NBAS: variants seen among roughly 807,000 people sequenced by gnomAD.
NBAS encodes the protein NAG/BC035112 fusion.
In NBAS, 219 loss-of-function variants were observed where a neutral mutation model predicts 302.5. The ratio of observed to expected loss-of-function variants is 0.72; its 90% confidence interval spans 0.65 to 0.81. The LOEUF (loss-of-function observed/expected upper bound fraction) is 0.81, where lower values mean the gene tolerates loss of function less well. NBAS is among the 30% of genes least tolerant of loss of function. The pLI, the probability that NBAS is intolerant of heterozygous loss-of-function variation, is 0.00. For synonymous variants in NBAS, 1,118 were observed against 1,021.6 expected (o/e 1.09, Z -1.80); for missense variants, 2,932 against 2,841.6 (o/e 1.03, Z -0.72).
chr2:15,379,580 G>A (rs375375857), intron 30 of NBAS, 22 bp downstream of exon 30: 73 of 1,604,772 alleles, frequency 4.5e-5, no homozygotes, highest in Non-Finnish European at 6.0e-5. Flanking sequence ...CCATCTTAGG[G>A]AAGAATATAG....
chr2:15,175,479 G>T (rs968981329), intron 51 of NBAS, among the ~76,000 whole-genome samples: 1 of 152,200 alleles, frequency 6.6e-6, no homozygotes, highest in Non-Finnish European at 1.5e-5. Context: ...GATGAAACAA[G>T]TCAAGAGGCT....
chr2:15,474,330 T>C lies in NBAS; in HGVS notation c.1342-6A>G, dbSNP rs1379608282. ...GGGGCAAGTTTAATCTCACACTAAA[T>C]TGAAAAAGGAGATTTGAAGTTAATA... On this transcript the variant is annotated splice_region_variant and splice_polypyrimidine_tract_variant and intron_variant, in intron 14 of 51. Transcript: ENST00000281513. 6.2e-7 allele frequency: 1 copy of C among 1,607,790 alleles called. No individual in the cohort carries two copies. The highest frequency in any genetic ancestry group is 8.5e-7 in the Non-Finnish European group (1 of 1,177,108).
intron 38 of NBAS, among the ~76,000 whole-genome samples, chr2:15,314,218 T>C (rs780058352): frequency 3.9e-5 from 6 of 152,094 alleles, no homozygotes; most frequent in South Asian, 2.1e-4. Flanking sequence ...TATCCAGACA[T>C]GATGGCATGC....
the NBAS span, among the ~76,000 whole-genome samples, chr2:14,975,827 GAA>G: frequency 6.8e-6 from 1 of 146,078 alleles, no homozygotes; most frequent in African/African-American, 2.5e-5. Context: ...ATGACTGGTA[GAA>G]AAAAAAAAAT....
At chr2:15,245,786 G>A (rs1342484611) in intron 44 of NBAS, among the ~76,000 whole-genome samples, 1 of 152,186 alleles carries the variant, frequency 6.6e-6, no homozygotes, top group Non-Finnish European at 1.5e-5. Flanking sequence ...ACATGGTGTG[G>A]CATAAAGGGC....
chr2:14,822,039 G>GA, the NBAS span, among the ~76,000 whole-genome samples: 95 of 147,614 alleles, frequency 6.4e-4, 1 homozygote, highest in African/African-American at 2.0e-3. Context: ...TCTCAACAAT[G>GA]AAAAAAAAAA....
chr2:14,917,581 T>C, the NBAS span, among the ~76,000 whole-genome samples: 1 of 152,186 alleles, frequency 6.6e-6, no homozygotes, highest in African/African-American at 2.4e-5. Flanking sequence ...GCAGAGATTA[T>C]TGAGGGTCAC....
At chr2:15,205,990 T>G (rs1666123867) in intron 48 of NBAS, among the ~76,000 whole-genome samples, 1 of 152,112 alleles carries the variant, frequency 6.6e-6, no homozygotes, top group Non-Finnish European at 1.5e-5. Context: ...TAAAGATACC[T>G]GAAAATGTGG....
At chr2:15,150,807 G>T in the NBAS span, among the ~76,000 whole-genome samples, 1 of 152,196 alleles carries the variant, frequency 6.6e-6, no homozygotes, top group Admixed American at 6.5e-5. Context: ...TCACTGTAAA[G>T]TTCGCTCTGT....
intron 47 of NBAS, among the ~76,000 whole-genome samples, chr2:15,231,112 G>A (rs1231167500): frequency 6.6e-6 from 1 of 152,220 alleles, no homozygotes; most frequent in African/African-American, 2.4e-5. Flanking sequence ...GTTAGAGGTT[G>A]TTTCTTATCC....
intron 12 of NBAS, among the ~76,000 whole-genome samples, chr2:15,480,333 T>C (rs1680376551): frequency 6.7e-6 from 1 of 149,036 alleles, no homozygotes; most frequent in Non-Finnish European, 1.5e-5. Flanking sequence ...AAAGCAACAC[T>C]CTATCTCTAA....
chr2:15,151,100 T>A, the NBAS span, among the ~76,000 whole-genome samples: 1 of 152,372 alleles, frequency 6.6e-6, no homozygotes, highest in African/African-American at 2.4e-5. Flanking sequence ...AGTGCTTCCC[T>A]ACTGATAATG....
intron 35 of NBAS, among the ~76,000 whole-genome samples, chr2:15,344,815 C>T (rs1340236859): frequency 1.3e-5 from 2 of 152,068 alleles, no homozygotes; most frequent in African/African-American, 4.8e-5. Flanking sequence ...TTACCCACCA[C>T]GATCAAGTTG....
the NBAS span, among the ~76,000 whole-genome samples, chr2:14,795,337 CATA>C: frequency 2.0e-5 from 3 of 152,108 alleles, no homozygotes; most frequent in African/African-American, 7.2e-5. Flanking sequence ...TTTGCATTTA[CATA>C]ATATCTAATG....
At chr2:15,028,317 A>C in the NBAS span, among the ~76,000 whole-genome samples, 1 of 152,218 alleles carries the variant, frequency 6.6e-6, no homozygotes, top group Non-Finnish European at 1.5e-5. Context: ...TTACTTCAAC[A>C]AATTTGGGTC....
At chr2:15,199,852 T>G (rs754337336) in intron 48 of NBAS, among the ~76,000 whole-genome samples, 1 of 151,768 alleles carries the variant, frequency 6.6e-6, no homozygotes, top group African/African-American at 2.4e-5. Flanking sequence ...AGGTATTACA[T>G]TATCAACCAC....
chr2:15,163,649 A>G (rs1200726200), downstream of NBAS, among the ~76,000 whole-genome samples: 2 of 152,226 alleles, frequency 1.3e-5, no homozygotes, highest in African/African-American at 4.8e-5. Context: ...AAGTGATGCC[A>G]TAATAATCAT....
At chr2:15,065,626 A>G in the NBAS span, among the ~76,000 whole-genome samples, 73 of 152,278 alleles carry the variant, frequency 4.8e-4, no homozygotes, top group Middle Eastern at 3.4e-3. Context: ...TAGGAAAACA[A>G]TCTTATTTAT....
Position 15,478,326 on chromosome 2 carries a change from G to A in NBAS, c.1084-37C>T, listed in dbSNP as rs774433807. 5 of 1,454,642 alleles carry A rather than the reference G, an allele frequency of 3.4e-6. No individual in the cohort carries two copies. The South Asian group carries it at 4.6e-5, about 13-fold the overall frequency. 90.1% of individuals were successfully genotyped at this position (1,454,642 alleles called of 1,614,324 possible). ...AATAATGACTTCCTGAGTGAACTAT[G>A]TAAGAAAATTATAAGAAAATCATCA... On this transcript the variant is annotated intron_variant, in intron 12 of 51. Coordinates refer to ENST00000281513, the MANE Select transcript of NBAS (RefSeq NM_015909.4).
Sources: allele counts gnomAD v4.1 joint callset (sites outside exome capture counted in the v4.1 genomes callset), GRCh38; gene constraint gnomAD v4.1.1; transcripts MANE v1.5; gene names NCBI Gene and HGNC (gene_info 2026-07-23, HGNC 2026-07-21).